Variants in SLC24A3 observed in about 807,000 individuals in gnomAD.
SLC24A3 encodes the protein sodium/potassium/calcium exchanger 3.
In SLC24A3, 28 loss-of-function variants were observed where a neutral mutation model predicts 75.8. The ratio of observed to expected loss-of-function variants is 0.37; its 90% CI spans 0.27 to 0.51. SLC24A3 has a LOEUF of 0.51. Among genes scored for constraint, SLC24A3 ranks in the 20% least tolerant of loss-of-function variants. The pLI is 0.94. For missense variants in SLC24A3, 663 were observed against 847.8 expected (o/e 0.78, Z 2.71); for synonymous variants, 372 against 334.1 (o/e 1.11, Z -1.24).
intron 3 of SLC24A3, among the ~76,000 whole-genome samples, chr20:19,530,959 G>A (rs1600268459): frequency 1.3e-5 from 2 of 152,066 alleles, no homozygotes; most frequent in African/African-American, 4.8e-5. Context: ...TCCATAGAAG[G>A]AATAGGACTC....
intron 2 of SLC24A3, among the ~76,000 whole-genome samples, chr20:19,351,794 G>A (rs7266827): frequency 0.11 from 17,186 of 152,132 alleles, 2,601 homozygotes; most frequent in African/African-American, 0.35. Context: ...CCATGGGTTT[G>A]ATCAAACACA....
chr20:19,690,332 A>G (rs1436496596), intron 12 of SLC24A3, among the ~76,000 whole-genome samples: 1 of 152,216 alleles, frequency 6.6e-6, no homozygotes, highest in African/African-American at 2.4e-5. Context: ...TAAAAACTCA[A>G]AATTCACTGG....
At chr20:19,601,302 C>T (rs2031524073) in intron 6 of SLC24A3, among the ~76,000 whole-genome samples, 1 of 152,216 alleles carries the variant, frequency 6.6e-6, no homozygotes, top group Non-Finnish European at 1.5e-5. Flanking sequence ...AGCTCCAGGT[C>T]TATTTTCAGC....
rs368820494 is a variant in SLC24A3, at chr20:19,227,686, A to G, written c.142+14702A>G. On this transcript the variant is annotated intron_variant, in intron 1 of 16. Coordinates refer to ENST00000328041, the MANE Select transcript of SLC24A3 (RefSeq NM_020689.4). ...ACATTTGTGGTATCACCTTTATTCC[A>G]TGCCTATTCTCTTATGTACCAGAGG... is the stretch of plus-strand genomic sequence containing the variant. Among the ~76,000 whole-genome samples the G allele has an allele frequency of 9.9e-5, 15 of 152,144 alleles. No individual in the cohort carries two copies. The East Asian group carries it at 2.5e-3, about 25-fold the overall frequency.
chr20:19,253,755 C>T (rs1020156904), intron 1 of SLC24A3, among the ~76,000 whole-genome samples: 4 of 152,304 alleles, frequency 2.6e-5, no homozygotes, highest in Admixed American at 6.5e-5. Context: ...ATGGAATGGT[C>T]CTGTCCTTAA....
At chr20:19,283,952 G>A (rs936327735) in intron 2 of SLC24A3, among the ~76,000 whole-genome samples, 5 of 152,302 alleles carry the variant, frequency 3.3e-5, no homozygotes, top group Non-Finnish European at 4.4e-5. Flanking sequence ...AGGCCACACC[G>A]CAGGTAGCTC....
intron 16 of SLC24A3, 90 bp from the exon 17 acceptor site, chr20:19,720,901 C>A: frequency 4.0e-6 from 6 of 1,496,688 alleles, no homozygotes; most frequent in Non-Finnish European, 5.4e-6. Context: ...AGTCAGCAGC[C>A]CTTCCCCGGG....
chr20:19,720,427 GGCT>G (rs1264638915), intron 16 of SLC24A3, among the ~76,000 whole-genome samples: 5 of 152,158 alleles, frequency 3.3e-5, no homozygotes, highest in Admixed American at 3.3e-4. Flanking sequence ...TTACATCGTT[GGCT>G]GCAACAGGCA....
intron 7 of SLC24A3, among the ~76,000 whole-genome samples, chr20:19,664,104 T>G (rs1253007003): frequency 2.6e-5 from 4 of 152,236 alleles, no homozygotes; most frequent in Non-Finnish European, 5.9e-5. Flanking sequence ...TTCTGTTCTC[T>G]TAAGTGGCTA....
chr20:19,479,282 A>G (rs1287327144), intron 2 of SLC24A3, among the ~76,000 whole-genome samples: 6 of 152,196 alleles, frequency 3.9e-5, no homozygotes, highest in Non-Finnish European at 5.9e-5. Context: ...TTAATTACTC[A>G]TTGCCCATCT....
intron 1 of SLC24A3, among the ~76,000 whole-genome samples, chr20:19,223,246 TGCACCATTGCACTCCA>T (rs1200403940): frequency 6.6e-6 from 1 of 152,066 alleles, no homozygotes; most frequent in African/African-American, 2.4e-5. Context: ...GAGCTGAGAT[TGCACCATTGCACTCCA>T]GCCTGGGCAA....
intron 6 of SLC24A3, among the ~76,000 whole-genome samples, chr20:19,611,445 C>T (rs916475297): frequency 1.3e-5 from 2 of 152,204 alleles, no homozygotes; most frequent in African/African-American, 2.4e-5. Flanking sequence ...ACTCTCTAAG[C>T]AGAGTAGCCC....
intron 2 of SLC24A3, among the ~76,000 whole-genome samples, chr20:19,427,016 G>A (rs552088350): frequency 6.6e-6 from 1 of 152,286 alleles, no homozygotes; most frequent in South Asian, 2.1e-4. Flanking sequence ...AAATACAAGG[G>A]TGAAGAAGAT....
chr20:19,600,664 TA>T (rs1043225834), intron 6 of SLC24A3, among the ~76,000 whole-genome samples: 4 of 152,176 alleles, frequency 2.6e-5, no homozygotes, highest in African/African-American at 9.7e-5. Flanking sequence ...TGTGCTTTCT[TA>T]AAAATATTTT....
At chr20:19,251,009 A>G (rs1032078404) in intron 1 of SLC24A3, among the ~76,000 whole-genome samples, 5 of 152,232 alleles carry the variant, frequency 3.3e-5, no homozygotes, top group African/African-American at 1.2e-4. Context: ...ACTTTTCCAT[A>G]TATAAATGAT....
Position 19,709,682 on chromosome 20 carries a change from A to G in SLC24A3, c.1720-7846A>G, listed in dbSNP as rs142487821. ...GCACTTCTGAGGGTTCTTAGAGGGT[A>G]AAGGGAGGCTTTACCCTGGCTTTCT... On this transcript the variant is annotated intron_variant, in intron 15 of 16. Coordinates refer to ENST00000328041, the MANE Select transcript of SLC24A3 (RefSeq NM_020689.4). Among the ~76,000 whole-genome samples, 643 of 152,234 alleles carry G rather than the reference A, an allele frequency of 4.2e-3. 7 individuals are homozygous for G. Among genetic ancestry groups the G allele is most frequent in the African/African-American group, 0.014 (600 of 41,556 alleles).
chr20:19,485,966 A>G (rs1988121658), intron 2 of SLC24A3, among the ~76,000 whole-genome samples: 1 of 152,200 alleles, frequency 6.6e-6, no homozygotes, highest in South Asian at 2.1e-4. Context: ...GGAGGCCATC[A>G]GTGGGCACTG....
At chr20:19,526,797 T>C (rs1002726619) in intron 3 of SLC24A3, among the ~76,000 whole-genome samples, 1 of 152,196 alleles carries the variant, frequency 6.6e-6, no homozygotes, top group African/African-American at 2.4e-5. Flanking sequence ...TCTATCTTGA[T>C]TTTTCTAAAA....
chr20:19,412,827 A>G (rs1986770120), intron 2 of SLC24A3, among the ~76,000 whole-genome samples: 1 of 152,184 alleles, frequency 6.6e-6, no homozygotes, highest in Admixed American at 6.5e-5. Context: ...AATAGCTTGC[A>G]TTCAGCCCCT....
Sources: gnomAD v4.1 joint callset for allele counts (sites outside exome capture counted in the v4.1 genomes callset) on GRCh38, gnomAD v4.1.1 for gene constraint, MANE v1.5 for transcripts, NCBI Gene and HGNC (gene_info 2026-07-23, HGNC 2026-07-21) for gene names.